BCAS4: variants seen among roughly 807,000 people sequenced by gnomAD.
BCAS4 encodes the protein breast carcinoma-amplified sequence 4.
BCAS4 carries 9 observed loss-of-function variants against 15.7 expected under a neutral mutation model. That is an observed-to-expected ratio of 0.57 (90% confidence interval 0.34 to 1.00). The LOEUF (loss-of-function observed/expected upper bound fraction) is 1.00. Ranked by LOEUF, BCAS4 falls within the 50% of genes least tolerant of loss-of-function variation. The probability of loss-of-function intolerance (pLI) is 0.02; values close to 1 mark genes in which losing one functional copy is unlikely to be tolerated. For missense variants in BCAS4, 225 were observed against 239.1 expected, an observed-to-expected ratio of 0.94 and a Z score of 0.39; for synonymous variants, 101 against 99.5, an observed-to-expected ratio of 1.02 and a Z score of -0.09.
intron 1 of BCAS4, among the ~76,000 whole-genome samples, chr20:50,805,480 C>A (rs2123752953): frequency 6.6e-6 from 1 of 152,260 alleles, no homozygotes; most frequent in African/African-American, 2.4e-5. Context: ...TTGTCTTGAA[C>A]AAAGCAGGGT....
At chr20:50,818,427 C>G (rs2088168591) in intron 2 of BCAS4, 145 bp downstream of exon 2, 1 of 698,790 alleles carries the variant, frequency 1.4e-6, no homozygotes, top group African/African-American at 1.8e-5. Flanking sequence ...AAGCCACGTG[C>G]AAACACTCCC....
At chr20:50,844,357 C>G (rs1289907084) in intron 4 of BCAS4, among the ~76,000 whole-genome samples, 1 of 152,068 alleles carries the variant, frequency 6.6e-6, no homozygotes, top group African/African-American at 2.4e-5. Flanking sequence ...TCACTTGAGC[C>G]TAGGAGTTTG....
At chr20:50,795,270 G>A in intron 1 of BCAS4, 97 bp downstream of exon 1, 2 of 1,119,008 alleles carry the variant, frequency 1.8e-6, no homozygotes, top group Non-Finnish European at 2.3e-6. Context: ...TCTCGCTCCC[G>A]GAGTGGGGGG....
intron 2 of BCAS4, among the ~76,000 whole-genome samples, chr20:50,819,258 C>A (rs922804555): frequency 1.3e-5 from 2 of 152,002 alleles, no homozygotes; most frequent in Non-Finnish European, 2.9e-5. Flanking sequence ...AGGTGTGGAG[C>A]CCCCAGGAGT....
At chr20:50,875,053 T>C (rs1037924164) in intron 4 of BCAS4, among the ~76,000 whole-genome samples, 2 of 152,156 alleles carry the variant, frequency 1.3e-5, no homozygotes, top group Non-Finnish European at 2.9e-5. Flanking sequence ...CTTCTTCTGG[T>C]GCAGGCCGTG....
intron 4 of BCAS4, among the ~76,000 whole-genome samples, chr20:50,852,518 A>G (rs1350815845): frequency 6.6e-6 from 1 of 152,066 alleles, no homozygotes; most frequent in East Asian, 1.9e-4. Flanking sequence ...AGTAGCTGAG[A>G]CTACAGGTGC....
At chr20:50,861,340 C>T (rs1304847324) in intron 4 of BCAS4, among the ~76,000 whole-genome samples, 1 of 152,296 alleles carries the variant, frequency 6.6e-6, no homozygotes, top group Non-Finnish European at 1.5e-5. Flanking sequence ...ATTCCCTTAT[C>T]GTTTCTCTCT....
At chr20:50,865,717 C>T (rs760184268) in intron 4 of BCAS4, among the ~76,000 whole-genome samples, 5 of 152,090 alleles carry the variant, frequency 3.3e-5, no homozygotes, top group African/African-American at 9.7e-5. Flanking sequence ...GTCACTGGGC[C>T]GGCAGAGGCT....
intron 4 of BCAS4, among the ~76,000 whole-genome samples, chr20:50,850,618 T>A (rs542720099): frequency 1.3e-5 from 2 of 151,052 alleles, no homozygotes; most frequent in Admixed American, 1.3e-4. Flanking sequence ...TAGTTTTTAT[T>A]TGGGGGGGTT....
downstream of BCAS4, chr20:50,880,601 T>C (rs1600914487): frequency 6.6e-6 from 1 of 152,224 alleles, no homozygotes; most frequent in Non-Finnish European, 1.5e-5. Context: ...ATTACAGTCG[T>C]GAGCCACCGA....
At chr20:50,842,407 G>A (rs964911631) in intron 4 of BCAS4, among the ~76,000 whole-genome samples, 15 of 152,176 alleles carry the variant, frequency 9.9e-5, no homozygotes, top group African/African-American at 3.6e-4. Context: ...AAGGAAGGAA[G>A]GATCATGTGT....
chr20:50,847,749 A>G (rs1417322091), intron 4 of BCAS4, among the ~76,000 whole-genome samples: 3 of 152,154 alleles, frequency 2.0e-5, no homozygotes, highest in Non-Finnish European at 1.5e-5. Flanking sequence ...ATTCAAAGAA[A>G]ATTCAGTTAC....
intron 4 of BCAS4, among the ~76,000 whole-genome samples, chr20:50,875,744 T>A (rs781415897): frequency 2.2e-4 from 33 of 151,796 alleles, no homozygotes; most frequent in Non-Finnish European, 3.4e-4. Flanking sequence ...ATGGCACCAC[T>A]GTACTCCAGG....
rs141930857 is a variant in BCAS4, at chr20:50,831,897, A to G, written c.264+1517A>G. 2.6e-5 allele frequency among the ~76,000 whole-genome samples: 4 copies of G among 152,348 alleles called. No individual in the cohort carries two copies. In the East Asian group the frequency reaches 7.7e-4, roughly 29 times the overall value. On this transcript the variant is annotated intron_variant, in intron 3 of 4. Coordinates refer to ENST00000371608, the MANE Select transcript of BCAS4 (RefSeq NM_198799.4). ...AGCACCGAGGTAGCAGAGAATTAAC[A>G]TTCTTGTCAGCAGAGAATGAAGCAG...
At chr20:50,830,106 G>A (rs918078990) in intron 2 of BCAS4, among the ~76,000 whole-genome samples, 173 bp from the exon 3 acceptor site, 19 of 152,172 alleles carry the variant, frequency 1.2e-4, no homozygotes, top group African/African-American at 3.9e-4. Flanking sequence ...CAGAGGCGAC[G>A]ATGTTGGTCC....
At chr20:50,807,025 C>T (rs1300527879) in intron 1 of BCAS4, among the ~76,000 whole-genome samples, 1 of 151,766 alleles carries the variant, frequency 6.6e-6, no homozygotes, top group African/African-American at 2.4e-5. Context: ...GTGTGCACCA[C>T]CACACACGGC....
intron 1 of BCAS4, among the ~76,000 whole-genome samples, chr20:50,804,099 C>T (rs1006397394): frequency 6.6e-6 from 1 of 152,092 alleles, no homozygotes; most frequent in African/African-American, 2.4e-5. Flanking sequence ...AGTATAATGG[C>T]GCGATCTCAG....
intron 3 of BCAS4, among the ~76,000 whole-genome samples, chr20:50,837,115 T>C (rs909461635): frequency 3.3e-5 from 5 of 152,276 alleles, no homozygotes; most frequent in African/African-American, 9.6e-5. Flanking sequence ...AAGGTCCTGC[T>C]ATTAGTCTCA....
intron 3 of BCAS4, among the ~76,000 whole-genome samples, chr20:50,831,019 C>T (rs1470031935): frequency 3.9e-5 from 6 of 152,120 alleles, no homozygotes; most frequent in Non-Finnish European, 5.9e-5. Flanking sequence ...AATGTATACA[C>T]GCCTAAGTAT....
Sources: allele counts gnomAD v4.1 joint callset (sites outside exome capture counted in the v4.1 genomes callset), GRCh38; gene constraint gnomAD v4.1.1; transcripts MANE v1.5; gene names NCBI Gene and HGNC (gene_info 2026-07-23, HGNC 2026-07-21).